TLN2: variants seen among roughly 807,000 people sequenced by gnomAD.
TLN2 encodes the protein talin-2.
TLN2 carries 118 observed loss-of-function variants against 294.7 expected under a neutral mutation model. The ratio of observed to expected loss-of-function variants is 0.40; its 90% CI spans 0.34 to 0.47. The LOEUF is 0.47. TLN2 is among the 20% of genes least tolerant of loss of function. TLN2 has a pLI of 0.84. For synonymous variants in TLN2, 1,431 were observed against 1,304.5 expected (o/e 1.10, Z -2.09); for missense variants, 3,083 against 3,282.2 (o/e 0.94, Z 1.48).
chr15:62,828,989 TAC>T (rs1326694277), intron 54 of TLN2: 3 of 152,110 alleles, frequency 2.0e-5, no homozygotes, highest in African/African-American at 4.8e-5. Flanking sequence ...CTGTAAGAAA[TAC>T]AGATTCCTGA....
intron 28 of TLN2, among the ~76,000 whole-genome samples, chr15:62,735,243 C>T (rs567456242): frequency 9.2e-5 from 14 of 152,332 alleles, no homozygotes; most frequent in African/African-American, 3.4e-4. Flanking sequence ...CAGCGATTCT[C>T]AGGCGTTATA....
chr15:62,627,349 C>A (rs531461919), intron 3 of TLN2, among the ~76,000 whole-genome samples: 1 of 152,280 alleles, frequency 6.6e-6, no homozygotes, highest in East Asian at 1.9e-4. Flanking sequence ...GATAGGTGTT[C>A]CCTTTCTGTC....
At chr15:62,400,113 G>A (rs559367563) in intron 1 of TLN2, among the ~76,000 whole-genome samples, 210 of 152,280 alleles carry the variant, frequency 1.4e-3, no homozygotes, top group African/African-American at 4.8e-3. Flanking sequence ...GAGATCTCAC[G>A]AGATCTGATG....
At chr15:62,775,399 G>A (rs542781025) in intron 42 of TLN2, among the ~76,000 whole-genome samples, 15 of 152,144 alleles carry the variant, frequency 9.9e-5, no homozygotes, top group Non-Finnish European at 1.9e-4. Flanking sequence ...CACATTTTGT[G>A]TTTTACCATG....
At chr15:62,433,471 C>A (rs1430833602) in intron 1 of TLN2, among the ~76,000 whole-genome samples, 1 of 152,108 alleles carries the variant, frequency 6.6e-6, no homozygotes, top group Non-Finnish European at 1.5e-5. Flanking sequence ...GGCATACCAC[C>A]TCTGTTTCTA....
intron 1 of TLN2, among the ~76,000 whole-genome samples, chr15:62,452,864 T>A (rs1431432997): frequency 6.6e-6 from 1 of 152,098 alleles, no homozygotes; most frequent in Non-Finnish European, 1.5e-5. Flanking sequence ...ATCCTCTGTG[T>A]AGAATGGACT....
At chr15:62,413,317 C>T (rs2033882537) in intron 1 of TLN2, among the ~76,000 whole-genome samples, 1 of 152,160 alleles carries the variant, frequency 6.6e-6, no homozygotes, top group South Asian at 2.1e-4. Flanking sequence ...GCCCCTTGTG[C>T]TCTGCTGCCT....
chr15:62,445,516 G>A (rs565589939), intron 1 of TLN2, among the ~76,000 whole-genome samples: 1 of 152,258 alleles, frequency 6.6e-6, no homozygotes, highest in African/African-American at 2.4e-5. Context: ...ATATAATCAG[G>A]CCTTACATAG....
intron 54 of TLN2, chr15:62,830,158 AAAC>A (rs1365109560): frequency 6.6e-6 from 1 of 152,210 alleles, no homozygotes; most frequent in African/African-American, 2.4e-5. Context: ...GGAAAGAATG[AAAC>A]ACCCAGAAGC....
In TLN2 at chr15:62,697,627, C is replaced by G. The variant is rs1048003448; in HGVS notation, c.1293-61C>G. 3.3e-5 allele frequency: 50 copies of G among 1,520,040 alleles called. No individual in the cohort carries two copies. The South Asian group carries it at 6.0e-4, about 18-fold the overall frequency. The allele number at this position is 1,520,040 out of a possible 1,614,324, so 94.2% of individuals were successfully genotyped here. A position where few individuals can be genotyped will look rare whatever the true frequency, so the allele number is the denominator to read the frequency against. ...GGAACATACGTGACATCTGTGGGGT[C>G]TCCTCATTGCACTCCACATGGCTGG... On this transcript the variant is annotated intron_variant, in intron 14 of 58. Transcript: ENST00000636159.
At position 62,841,695 on chromosome 15, in the gene TLN2, T is replaced by G. The variant is rs2070722363; in HGVS notation, c.*1085T>G. On this transcript the variant is annotated 3_prime_UTR_variant, in exon 59 of 59. Transcript: ENST00000636159. The stretch of plus-strand genomic sequence containing the variant: ...TTATCACATAAGACATAAGATGTTT[T>G]CATTTTCTGGATGTCACACTTCCAG... 1 of 152,204 alleles carries G rather than the reference T, an allele frequency of 6.6e-6. No individual in the cohort carries two copies. The highest frequency in any genetic ancestry group is 1.5e-5 in the Non-Finnish European group (1 of 68,040). The allele number at this position is 152,204 out of a possible 1,614,324, so 9.4% of individuals were successfully genotyped here. A position where few individuals can be genotyped will look rare whatever the true frequency, so the allele number is the denominator to read the frequency against.
At chr15:62,781,588 C>G (rs1471791112) in intron 44 of TLN2, among the ~76,000 whole-genome samples, 1 of 152,014 alleles carries the variant, frequency 6.6e-6, no homozygotes, top group Non-Finnish European at 1.5e-5. Context: ...ATTCACCTCA[C>G]GAAGGACTTG....
chr15:62,782,842 C>T (rs1360984905), intron 44 of TLN2, among the ~76,000 whole-genome samples: 5 of 152,154 alleles, frequency 3.3e-5, no homozygotes, highest in Non-Finnish European at 4.4e-5. Flanking sequence ...AAATCAAGGT[C>T]TTAAAAGGCC....
intron 9 of TLN2, among the ~76,000 whole-genome samples, chr15:62,668,032 G>A (rs2054930154): frequency 6.6e-6 from 1 of 152,120 alleles, no homozygotes; most frequent in Admixed American, 6.5e-5. Context: ...AGAAACGGTA[G>A]GAAAGTGGTT....
intron 1 of TLN2, among the ~76,000 whole-genome samples, chr15:62,541,763 A>G (rs1382600927): frequency 1.3e-5 from 2 of 152,114 alleles, no homozygotes; most frequent in East Asian, 1.9e-4. Flanking sequence ...AGGTGTGTAT[A>G]TATACAACAG....
chr15:62,752,578 A>G, intron 35 of TLN2, 151 bp downstream of exon 35: 1 of 1,229,276 alleles, frequency 8.1e-7, no homozygotes. Context: ...CATTTACACA[A>G]AACATGAGCC....
intron 1 of TLN2, among the ~76,000 whole-genome samples, chr15:62,562,062 C>G (rs1276005812): frequency 6.6e-6 from 1 of 152,142 alleles, no homozygotes; most frequent in African/African-American, 2.4e-5. Context: ...AACTGTCCAT[C>G]TTCAAATTCG....
chr15:62,618,170 CCTAGGAAATATTTTT>C (rs2048468710), intron 2 of TLN2, among the ~76,000 whole-genome samples, 166 bp from the exon 3 acceptor site: 1 of 133,462 alleles, frequency 7.5e-6, no homozygotes, highest in Non-Finnish European at 1.6e-5. Flanking sequence ...GGCCCAAGAC[CCTAGGAAATATTTTT>C]AGTGTTACAT....
chr15:62,415,786 G>C (rs1361751695), intron 1 of TLN2, among the ~76,000 whole-genome samples: 2 of 152,206 alleles, frequency 1.3e-5, no homozygotes, highest in African/African-American at 4.8e-5. Flanking sequence ...GAGGCTGAGA[G>C]ATTGTCACTA....
Sources: gnomAD v4.1 joint callset for allele counts (sites outside exome capture counted in the v4.1 genomes callset) on GRCh38, gnomAD v4.1.1 for gene constraint, MANE v1.5 for transcripts, NCBI Gene and HGNC (gene_info 2026-07-23, HGNC 2026-07-21) for gene names.